Variants in PLEKHG3 observed in about 807,000 individuals in gnomAD.
PLEKHG3 encodes the protein pleckstrin homology and RhoGEF domain containing G3, also known as pleckstrin homology domain-containing family G member 3.
In PLEKHG3, 62 loss-of-function variants were observed where a neutral mutation model predicts 94.9. The observed-to-expected ratio is 0.65, with a 90% CI of 0.53 to 0.81. The LOEUF is 0.81. Among genes scored for constraint, PLEKHG3 ranks in the 30% least tolerant of loss-of-function variants. The pLI is 0.00. For missense variants in PLEKHG3, 1,461 were observed against 1,619.3 expected (o/e 0.90, Z 1.68); for synonymous variants, 614 against 654.0 (o/e 0.94, Z 0.93).
Position 64,738,297 on chromosome 14 carries a change from T to C in PLEKHG3, c.1405-445T>C. The C allele has an allele frequency of 2.1e-6, 2 of 943,678 alleles. No homozygotes were observed. Among genetic ancestry groups the C allele is most frequent in the Non-Finnish European group, 2.9e-6 (2 of 686,054 alleles). The allele number at this position is 943,678 out of a possible 1,614,324, so 58.5% of individuals were successfully genotyped here. ...TGTGCATGCCCACCCGAGGGCCCCC[T>C]CTGCTGCCCTCCTCACCCCACCCTG... On this transcript the variant is annotated intron_variant, in intron 14 of 16. Coordinates refer to ENST00000247226, the MANE Select transcript of PLEKHG3 (RefSeq NM_001308147.2). This position sits in a 1 kb window ranked among gnomAD's most constrained non-coding sequence, Gnocchi z 4.8.
intron 14 of PLEKHG3, chr14:64,737,986 A>T (rs1566713392): frequency 8.1e-7 from 1 of 1,240,502 alleles, no homozygotes; most frequent in South Asian, 1.4e-5. Context: ...GTGGAGGAGG[A>T]GGAGGAGGAG....
chr14:64,709,792 C>T (rs117331452), intron 1 of PLEKHG3, among the ~76,000 whole-genome samples: 6,985 of 151,386 alleles, frequency 0.046, 175 homozygotes, highest in Middle Eastern at 0.092. Context: ...CCAGTATTCT[C>T]ATATAGCTTC....
In PLEKHG3 at chr14:64,743,894, C is replaced by T. The variant is rs1024057239; in HGVS notation, c.*191C>T. On this transcript the variant is annotated 3_prime_UTR_variant, in exon 17 of 17. Transcript: ENST00000247226. The surrounding 1 kb of genome is among the most constrained non-coding windows in gnomAD (Gnocchi z 7.2). The stretch of plus-strand genomic sequence containing the variant: ...CCTGCCTGTGCCATCCACTGGGGCT[C>T]GAGACAATTTCCCACTCACCTGTGA... 16 of 533,724 alleles carry T rather than the reference C, an allele frequency of 3.0e-5. No individual in the cohort carries two copies. The highest frequency in any genetic ancestry group is 4.1e-5 in the Non-Finnish European group (13 of 317,092). The allele number at this position is 533,724 out of a possible 1,614,324, so 33.1% of individuals were successfully genotyped here.
At position 64,727,510 on chromosome 14, in the gene PLEKHG3, G is replaced by GGCCCC; in HGVS notation, c.-39-83_-39-82insGCCCC. ...TAAATAATACCTTCCCACCCCACCT[G>GGCCCC]CCCCCACCCCTGGCAACCGTCCCTC... On this transcript the variant is annotated intron_variant, in intron 1 of 16. Coordinates refer to ENST00000247226, the MANE Select transcript of PLEKHG3 (RefSeq NM_001308147.2). This position sits in a 1 kb window ranked among gnomAD's most constrained non-coding sequence, Gnocchi z 6.0. The GGCCCC allele has an allele frequency of 3.5e-6, 1 of 282,710 alleles. No individual in the cohort carries two copies. Among genetic ancestry groups the GGCCCC allele is most frequent in the Non-Finnish European group, 6.7e-6 (1 of 149,818 alleles). The allele number at this position is 282,710 out of a possible 1,614,324, so 17.5% of individuals were successfully genotyped here.
Position 64,715,926 on chromosome 14 carries a change from A to T in PLEKHG3, c.-40+11222A>T. On this transcript the variant is annotated intron_variant, in intron 1 of 16. Transcript: ENST00000247226. The surrounding 1 kb of genome is among the most constrained non-coding windows in gnomAD (Gnocchi z 4.4). ...TTCTGAATAGAACATTTATTGACGA[A>T]GTTTTGCAGGAGGCGGCGGGCGCTT... 2.4e-6 allele frequency: 1 copy of T among 421,328 alleles called. No homozygotes were observed. The highest frequency in any genetic ancestry group is 4.8e-6 in the Non-Finnish European group (1 of 210,356). The allele number at this position is 421,328 out of a possible 1,614,324, so 26.1% of individuals were successfully genotyped here. A position where few individuals can be genotyped will look rare whatever the true frequency, so the allele number is the denominator to read the frequency against.
At chr14:64,735,922 A>G (rs1439990639) in intron 12 of PLEKHG3, among the ~76,000 whole-genome samples, 2 of 152,272 alleles carry the variant, frequency 1.3e-5, no homozygotes, top group Non-Finnish European at 2.9e-5. Context: ...AACATTTTCT[A>G]CTTTTCACTT....
rs2081592291 is a variant in PLEKHG3 at position 64,737,378 on chromosome 14, A to G, written c.1404+3A>G. 1 of 1,593,352 alleles carries G rather than the reference A, an allele frequency of 6.3e-7. No homozygotes were observed. Among genetic ancestry groups the G allele is most frequent in the Non-Finnish European group, 8.5e-7 (1 of 1,169,902 alleles). ...CAGCCCGAGCAGCAGGAATGAAGGT[A>G]AAGGCCAGTGGGAGGAGGGGACTGG... On this transcript the variant is annotated splice_donor_region_variant and intron_variant, in intron 14 of 16. Coordinates refer to ENST00000247226, the MANE Select transcript of PLEKHG3 (RefSeq NM_001308147.2).
At position 64,743,490 on chromosome 14, in the gene PLEKHG3, G is replaced by C. The variant is rs1040227457; in HGVS notation, c.3447G>C (p.Lys1149Asn). 6.2e-7 allele frequency: 1 copy of C among 1,613,212 alleles called. No homozygotes were observed. The change falls in exon 17 of 17, where the codon AAG (lysine) becomes AAC (asparagine). Residue 1149 changes from lysine to asparagine, a missense_variant. Lys to Asn is a moderately conservative substitution (Grantham distance 94). Coordinates refer to ENST00000247226, the MANE Select transcript of PLEKHG3 (RefSeq NM_001308147.2). The surrounding 1 kb of genome is among the most constrained non-coding windows in gnomAD (Gnocchi z 7.2). ...ACCGGCGGGTGATTGTCATGGAGAA[G>C]GGACCCCTTCCCAGCCCCACTGCAG... ...EDNRRVIVME[K>N]GPLPSPTAGL... is the part of the protein sequence containing the mutation.
intron 14 of PLEKHG3, chr14:64,737,939 G>A: frequency 8.1e-7 from 1 of 1,230,358 alleles, no homozygotes; most frequent in Admixed American, 2.9e-5. Flanking sequence ...AGGCTGAAGG[G>A]GCTACCCAGG....
At position 64,730,231 on chromosome 14, in the gene PLEKHG3, C is replaced by G. The variant is rs1318572709; in HGVS notation, c.450-12C>G. 5.4e-6 allele frequency: 8 copies of G among 1,491,892 alleles called. No individual in the cohort carries two copies. Among genetic ancestry groups the G allele is most frequent in the Non-Finnish European group, 7.2e-6 (8 of 1,106,548 alleles). 92.4% of individuals were successfully genotyped at this position (1,491,892 alleles called of 1,614,324 possible). A position where few individuals can be genotyped will look rare whatever the true frequency, so the allele number is the denominator to read the frequency against. On this transcript the variant is annotated splice_polypyrimidine_tract_variant and intron_variant, in intron 3 of 16. Coordinates refer to ENST00000247226, the MANE Select transcript of PLEKHG3 (RefSeq NM_001308147.2). This position sits in a 1 kb window ranked among gnomAD's most constrained non-coding sequence, Gnocchi z 5.4. Reference sequence around the variant, plus strand: ...CTGCAGAGGGTACAGTGGCTGCTCTCCCCTCACCCAGCCAGCTCCTCAGAG... The same window carrying G: ...CTGCAGAGGGTACAGTGGCTGCTCTGCCCTCACCCAGCCAGCTCCTCAGAG...
Position 64,717,613 on chromosome 14 carries a change from A to C in PLEKHG3, c.-39-9980A>C, listed in dbSNP as rs2081191966. 6.6e-6 allele frequency among the ~76,000 whole-genome samples: 1 copy of C among 152,170 alleles called. No individual in the cohort carries two copies. Among genetic ancestry groups the C allele is most frequent in the Non-Finnish European group, 1.5e-5 (1 of 68,034 alleles). ...CTCTTCCTGCTCCTAGAGGCAGTTA[A>C]TTTAAATGTAGTTTCATCTCTTGAC... is the stretch of plus-strand genomic sequence containing the variant. On this transcript the variant is annotated intron_variant, in intron 1 of 16. Coordinates refer to ENST00000247226, the MANE Select transcript of PLEKHG3 (RefSeq NM_001308147.2). This position sits in a 1 kb window ranked among gnomAD's most constrained non-coding sequence, Gnocchi z 4.7.
chr14:64,737,010 G>A, intron 13 of PLEKHG3, 119 bp downstream of exon 13: 1 of 819,558 alleles, frequency 1.2e-6, no homozygotes, highest in South Asian at 1.4e-5. Context: ...TAGTGTAGAG[G>A]GAACTCTGCC....
chr14:64,730,253 A>G lies in PLEKHG3; in HGVS notation c.460A>G (p.Arg154Gly). ...NIYALNSQLL[R>G]DLDSCNSDPV... is the part of the protein sequence containing the mutation. ...TCTCCCCTCACCCAGCCAGCTCCTCAGAGACCTGGACAGCTGCAATAGTGA... is the reference window on the plus strand; with the variant it reads ...TCTCCCCTCACCCAGCCAGCTCCTCGGAGACCTGGACAGCTGCAATAGTGA... The change falls in exon 4 of 17, where the codon AGA becomes GGA. Residue 154 changes from arginine (R) to glycine (G), a missense_variant. Transcript: ENST00000247226. The surrounding 1 kb of genome is among the most constrained non-coding windows in gnomAD (Gnocchi z 5.4). 2 of 1,532,990 alleles carry G rather than the reference A, an allele frequency of 1.3e-6. No homozygotes were observed. The highest frequency in any genetic ancestry group is 1.7e-6 in the Non-Finnish European group (2 of 1,144,024). The allele number at this position is 1,532,990 out of a possible 1,614,324, so 95.0% of individuals were successfully genotyped here.
Position 64,739,017 on chromosome 14 carries a change from C to T in PLEKHG3, c.1518+162C>T, listed in dbSNP as rs566518638. ...TCAGCCCTGCATGAAGCCTGTTTGG[C>T]CTAGAGTATATGGTTTGGTGAGCAG... On this transcript the variant is annotated intron_variant, in intron 15 of 16. Coordinates refer to ENST00000247226, the MANE Select transcript of PLEKHG3 (RefSeq NM_001308147.2). This position sits in a 1 kb window ranked among gnomAD's most constrained non-coding sequence, Gnocchi z 4.1. Among the ~76,000 whole-genome samples, 1 of 152,106 alleles carries T rather than the reference C, an allele frequency of 6.6e-6. No homozygotes were observed. Among genetic ancestry groups the T allele is most frequent in the Non-Finnish European group, 1.5e-5 (1 of 68,026 alleles).
chr14:64,709,143 T>C (rs896060963), intron 1 of PLEKHG3, among the ~76,000 whole-genome samples: 4 of 152,204 alleles, frequency 2.6e-5, no homozygotes, highest in African/African-American at 9.7e-5. Flanking sequence ...ACAGGAATGG[T>C]GCTGGACTCA....
At chr14:64,719,669 C>T (rs1386969345) in intron 1 of PLEKHG3, among the ~76,000 whole-genome samples, 3 of 149,612 alleles carry the variant, frequency 2.0e-5, no homozygotes, top group African/African-American at 7.4e-5. Flanking sequence ...GTGGGGGCCC[C>T]TCCACACCCA....
chr14:64,741,068 A>G lies in PLEKHG3; in HGVS notation c.1551A>G (p.Gln517=). ...VEPDPEAGSE[Q]EVFSAVEGPS... ...CGGACCCTGAGGCTGGGAGTGAGCA[A>G]GAGGTATTTTCTGCTGTGGAAGGGC... Residue 517 remains glutamine, a synonymous_variant, in exon 16 of 17, where the codon CAA becomes CAG. Transcript: ENST00000247226. 6.2e-7 allele frequency: 1 copy of G among 1,605,048 alleles called. No homozygotes were observed.
At position 64,732,834 on chromosome 14, in the gene PLEKHG3, G is replaced by T. The variant is rs1426605239; in HGVS notation, c.1278G>T (p.Arg426=). The T allele has an allele frequency of 6.2e-7, 1 of 1,610,364 alleles. No individual in the cohort carries two copies. Among genetic ancestry groups the T allele is most frequent in the Non-Finnish European group, 8.5e-7 (1 of 1,178,812 alleles). Residue 426 remains arginine, a synonymous_variant, in exon 12 of 17, where the codon CGG becomes CGT. Coordinates refer to ENST00000247226, the MANE Select transcript of PLEKHG3 (RefSeq NM_001308147.2). This position sits in a 1 kb window ranked among gnomAD's most constrained non-coding sequence, Gnocchi z 4.9. ...YPNRYRCSPE[R]LKKAWSSQDE... ...ATCGGTACCGCTGCAGCCCAGAGCGGCTGAAGAAGGCTTGGTCCTCCCAGG... is the reference window on the plus strand; with the variant it reads ...ATCGGTACCGCTGCAGCCCAGAGCGTCTGAAGAAGGCTTGGTCCTCCCAGG...
intron 1 of PLEKHG3, among the ~76,000 whole-genome samples, chr14:64,724,635 G>C (rs1360102031): frequency 6.6e-6 from 1 of 152,208 alleles, no homozygotes; most frequent in Admixed American, 6.5e-5. Flanking sequence ...AAGGAATCTT[G>C]ACTCAGTCCT....
Sources: allele counts gnomAD v4.1 joint callset (sites outside exome capture counted in the v4.1 genomes callset), GRCh38; gene constraint gnomAD v4.1.1; non-coding constraint Gnocchi (gnomAD v3.1); transcripts MANE v1.5; gene names NCBI Gene and HGNC (gene_info 2026-07-23, HGNC 2026-07-21).